The following SLC4A8 variants were observed in gnomAD, a reference collection of about 807,000 sequenced individuals.
SLC4A8 encodes electroneutral sodium bicarbonate exchanger 1.
A neutral mutation model predicts 125.0 loss-of-function variants in SLC4A8; 40 were observed. That is an observed-to-expected ratio of 0.32 (90% CI 0.25 to 0.42). The LOEUF (loss-of-function observed/expected upper bound fraction) is 0.42. Ranked by LOEUF, SLC4A8 falls within the 10% of genes least tolerant of loss-of-function variation. SLC4A8 has a pLI of 1.00. For synonymous variants in SLC4A8, 456 were observed against 476.0 expected (o/e 0.96, Z 0.55); for missense variants, 863 against 1,355.1 (o/e 0.64, Z 5.70).
In SLC4A8 at chr12:51,393,560, G is replaced by T. The variant is rs78402534; in HGVS notation, c.-112+2072G>T. Among the ~76,000 whole-genome samples, 451 of 152,306 alleles carry T rather than the reference G, an allele frequency of 3.0e-3. 2 individuals are homozygous for T. The highest frequency in any genetic ancestry group is 0.01 in the African/African-American group (434 of 41,554). ...TTTCTAACCTGAGACTCCAAGGTAG[G>T]TTTGATCTATTCAGAAGGTGAGATG... is the stretch of plus-strand genomic sequence containing the variant. On this transcript the variant is annotated intron_variant, in intron 1 of 24. Coordinates refer to the SLC4A8 transcript ENST00000358657.
At chr12:51,445,226 A>T (rs775009830) in intron 2 of SLC4A8, among the ~76,000 whole-genome samples, 29 of 152,144 alleles carry the variant, frequency 1.9e-4, no homozygotes, top group Non-Finnish European at 3.1e-4. Context: ...GACTGAGTGC[A>T]GTAGTGCGAT....
intron 11 of SLC4A8, among the ~76,000 whole-genome samples, chr12:51,468,118 C>G (rs887051221): frequency 6.6e-6 from 1 of 152,066 alleles, no homozygotes; most frequent in African/African-American, 2.4e-5. Flanking sequence ...TATAAAATGC[C>G]GAGTGGCTCT....
At chr12:51,480,031 G>A (rs1167914715) in intron 16 of SLC4A8, 1 of 362,610 alleles carries the variant, frequency 2.8e-6, no homozygotes, top group South Asian at 2.1e-5. Flanking sequence ...GTGCGGTGGT[G>A]TGATCTTGGC....
At chr12:51,500,967 G>A (rs920027303) in intron 22 of SLC4A8, among the ~76,000 whole-genome samples, 27 of 151,680 alleles carry the variant, frequency 1.8e-4, no homozygotes, top group Admixed American at 4.6e-4. Flanking sequence ...CCATGTTGGC[G>A]TGCTGCACCC....
chr12:51,442,371 A>G (rs1161798276), intron 2 of SLC4A8, among the ~76,000 whole-genome samples: 2 of 152,184 alleles, frequency 1.3e-5, no homozygotes, highest in African/African-American at 4.8e-5. Flanking sequence ...TTCTATAGCA[A>G]GCACCACTGG....
intron 8 of SLC4A8, among the ~76,000 whole-genome samples, chr12:51,460,675 A>G (rs1042513690): frequency 2.6e-5 from 4 of 152,258 alleles, no homozygotes; most frequent in African/African-American, 9.6e-5. Context: ...CATGGTTTGT[A>G]TGGTTTGCAG....
intron 1 of SLC4A8, among the ~76,000 whole-genome samples, chr12:51,404,373 C>T (rs1948450363): frequency 6.6e-6 from 1 of 152,132 alleles, no homozygotes; most frequent in Non-Finnish European, 1.5e-5. Flanking sequence ...TCCTTTGATT[C>T]TTAGTCCATG....
At chr12:51,474,033 CA>C (rs1278287322) in intron 14 of SLC4A8, among the ~76,000 whole-genome samples, 4 of 99,952 alleles carry the variant, frequency 4.0e-5, no homozygotes, top group African/African-American at 1.1e-4. Flanking sequence ...AACAAAAAAA[CA>C]AAACAAAAAC....
rs1051078324 is a variant in SLC4A8, at chr12:51,511,086, A to T, written c.*3648A>T. 2.0e-5 allele frequency: 3 copies of T among 152,162 alleles called. No individual in the cohort carries two copies. 9.4% of individuals were successfully genotyped at this position (152,162 alleles called of 1,614,324 possible). A position where few individuals can be genotyped will look rare whatever the true frequency, so the allele number is the denominator to read the frequency against. On this transcript the variant is annotated 3_prime_UTR_variant, in exon 25 of 25. Coordinates refer to ENST00000453097, the MANE Select transcript of SLC4A8 (RefSeq NM_001039960.3). ...AGGATTTCCCATTGTTCATCTGTGA[A>T]TGTTGATTGGCCAACCTGTCTGAGC...
Position 51,433,877 on chromosome 12 carries a change from T to C in SLC4A8, c.49-6831T>C, listed in dbSNP as rs1949298727. On this transcript the variant is annotated intron_variant, in intron 1 of 24. Transcript: ENST00000453097. ...TTTTTTTTTTTTTTTTTTTTTTTTT[T>C]TGGTTGGTTTTTTTTTGAGACAGGG... Among the ~76,000 whole-genome samples, 4 of 28,474 alleles carry C rather than the reference T, an allele frequency of 1.4e-4. 1 individual carries two copies. Among genetic ancestry groups the C allele is most frequent in the African/African-American group, 5.6e-4 (4 of 7,124 alleles). 18.7% of individuals were successfully genotyped at this position (28,474 alleles called of 152,430 possible).
chr12:51,495,101 A>G lies in SLC4A8; in HGVS notation c.2926A>G (p.Ile976Val), dbSNP rs1429269214. 1.9e-6 allele frequency: 3 copies of G among 1,610,596 alleles called. No individual in the cohort carries two copies. Among genetic ancestry groups the G allele is most frequent in the Admixed American group, 3.4e-5 (2 of 59,450 alleles). ...GGTCATCAAGGCATCTCCAGCTGCC[A>G]TTGTTTTCCCAATGATGGTGAGGTG... ...LWVIKASPAA[I>V]VFPMMVLALV... Residue 976 changes from isoleucine (I) to valine (V), a missense_variant, in exon 21 of 25, where the codon ATT (isoleucine) becomes GTT (valine). Around this residue, in one of 6 missense-constraint regions of SLC4A8, gnomAD observed 4 missense variants for 20.9 expected, o/e 0.19. Transcript: ENST00000453097.
chr12:51,464,712 T>G (rs1008436493), intron 11 of SLC4A8, among the ~76,000 whole-genome samples: 9 of 152,252 alleles, frequency 5.9e-5, no homozygotes, highest in African/African-American at 9.6e-5. Flanking sequence ...CCCCTTGCTT[T>G]CTTCTTTTCT....
At chr12:51,482,205 A>G (rs1951049152) in intron 16 of SLC4A8, among the ~76,000 whole-genome samples, 1 of 152,192 alleles carries the variant, frequency 6.6e-6, no homozygotes, top group African/African-American at 2.4e-5. Flanking sequence ...AAGGATTGGT[A>G]CCAGAAAAGA....
chr12:51,494,571 T>C (rs79116277), intron 20 of SLC4A8: 1 of 158,934 alleles, frequency 6.3e-6, no homozygotes, highest in South Asian at 2.0e-4. Flanking sequence ...CTTTTCACTA[T>C]AAATAATCAA....
At chr12:51,435,087 G>C (rs1165705586) in intron 1 of SLC4A8, among the ~76,000 whole-genome samples, 1 of 152,092 alleles carries the variant, frequency 6.6e-6, no homozygotes, top group South Asian at 2.1e-4. Flanking sequence ...CTGTTTTATT[G>C]TACTTTCAGT....
intron 16 of SLC4A8, among the ~76,000 whole-genome samples, chr12:51,482,664 G>A (rs551193402): frequency 6.6e-6 from 1 of 152,276 alleles, no homozygotes; most frequent in African/African-American, 2.4e-5. Flanking sequence ...ACAGGCGTGA[G>A]CCACCGTGCC....
At chr12:51,425,773 C>T (rs1215216254) in intron 1 of SLC4A8, among the ~76,000 whole-genome samples, 1 of 152,206 alleles carries the variant, frequency 6.6e-6, no homozygotes. Flanking sequence ...ACTTTGTGAC[C>T]TTGAGTAAGT....
rs1358908156 is a variant in SLC4A8 at position 51,463,511 on chromosome 12, G to A, written c.1249-103G>A. The A allele has an allele frequency of 2.5e-5, 18 of 733,514 alleles. No individual in the cohort carries two copies. In the African/African-American group the frequency reaches 2.6e-4, roughly 11 times the overall value. The allele number at this position is 733,514 out of a possible 1,614,324, so 45.4% of individuals were successfully genotyped here. A position where few individuals can be genotyped will look rare whatever the true frequency, so the allele number is the denominator to read the frequency against. ...GTGTATTTGAAAGCTACAAACACGG[G>A]CATTTTTGGTTGCTTTTGGGTTATC... On this transcript the variant is annotated intron_variant, in intron 10 of 24. Coordinates refer to ENST00000453097, the MANE Select transcript of SLC4A8 (RefSeq NM_001039960.3).
chr12:51,505,586 C>T (rs776626969), intron 23 of SLC4A8, among the ~76,000 whole-genome samples: 2 of 152,214 alleles, frequency 1.3e-5, no homozygotes, highest in Non-Finnish European at 2.9e-5. Context: ...GTTGTGGGAG[C>T]AGGACTGGCT....
Sources: gnomAD v4.1 joint callset for allele counts (sites outside exome capture counted in the v4.1 genomes callset) on GRCh38, gnomAD v4.1.1 for gene constraint, gnomAD v4.1.1 regional missense constraint, MANE v1.5 for transcripts, NCBI Gene and HGNC (gene_info 2026-07-23, HGNC 2026-07-21) for gene names.